ZCCHC7: variants seen among roughly 807,000 people sequenced by gnomAD.
ZCCHC7 encodes zinc finger CCHC-type containing 7.
Under a neutral mutation model 52.0 loss-of-function variants are expected in ZCCHC7, and 35 were observed. That is an observed-to-expected ratio of 0.67 (90% CI 0.51 to 0.89). ZCCHC7 has a LOEUF of 0.89. ZCCHC7 is among the 40% of genes least tolerant of loss of function. ZCCHC7 has a pLI of 0.00. For synonymous variants in ZCCHC7, 217 were observed against 221.5 expected (o/e 0.98, Z 0.18); for missense variants, 574 against 649.1 (o/e 0.88, Z 1.26).
chr9:37,300,263 C>G (rs184224072), intron 2 of ZCCHC7, among the ~76,000 whole-genome samples: 1 of 152,118 alleles, frequency 6.6e-6, no homozygotes, highest in African/African-American at 2.4e-5. Context: ...TTTTTAAGAA[C>G]AATTTTAAGT....
chr9:37,128,345 G>C (rs981773935), intron 2 of ZCCHC7, among the ~76,000 whole-genome samples: 1 of 152,142 alleles, frequency 6.6e-6, no homozygotes, highest in African/African-American at 2.4e-5. Flanking sequence ...ATTTTCTTAG[G>C]AAAATGAAAG....
At chr9:37,237,390 A>G (rs919386273) in intron 2 of ZCCHC7, among the ~76,000 whole-genome samples, 2 of 152,198 alleles carry the variant, frequency 1.3e-5, no homozygotes, top group Non-Finnish European at 2.9e-5. Context: ...TCATGAATAG[A>G]TAGTGATCCT....
chr9:37,140,405 A>T (rs144086427), intron 2 of ZCCHC7, among the ~76,000 whole-genome samples: 3 of 152,144 alleles, frequency 2.0e-5, no homozygotes, highest in Non-Finnish European at 4.4e-5. Context: ...TATAACTTAA[A>T]TATTGCTGTA....
intron 2 of ZCCHC7, among the ~76,000 whole-genome samples, chr9:37,261,958 T>C (rs1361189268): frequency 6.6e-6 from 1 of 152,184 alleles, no homozygotes; most frequent in Non-Finnish European, 1.5e-5. Context: ...TAAATTGTTT[T>C]ATCCGCACAC....
chr9:37,278,329 G>GAGAACTAAATGGAAATTTT (rs1338961045), intron 2 of ZCCHC7, among the ~76,000 whole-genome samples: 3 of 152,078 alleles, frequency 2.0e-5, no homozygotes, highest in Non-Finnish European at 2.9e-5. Context: ...AACTATAAAA[G>GAGAACTAAATGGAAATTTT]AGAACTAAAT....
chr9:37,149,473 A>G (rs770005373), intron 2 of ZCCHC7, among the ~76,000 whole-genome samples: 7 of 152,166 alleles, frequency 4.6e-5, no homozygotes, highest in Admixed American at 2.6e-4. Context: ...GATCAAAGTA[A>G]GAATTAGATC....
At chr9:37,241,384 A>G (rs185286103) in intron 2 of ZCCHC7, among the ~76,000 whole-genome samples, 96 of 151,980 alleles carry the variant, frequency 6.3e-4, no homozygotes, top group African/African-American at 1.8e-3. Flanking sequence ...GGAATTTTAT[A>G]CATTTTATAA....
intron 2 of ZCCHC7, among the ~76,000 whole-genome samples, chr9:37,258,914 TAAAG>T (rs1826731386): frequency 6.6e-6 from 1 of 151,908 alleles, no homozygotes. Context: ...GCACAGAAGT[TAAAG>T]AAAAGTGGCC....
intron 2 of ZCCHC7, among the ~76,000 whole-genome samples, chr9:37,213,136 A>G (rs772455718): frequency 3.9e-5 from 6 of 152,224 alleles, no homozygotes; most frequent in Non-Finnish European, 7.4e-5. Context: ...AAATTGGTTT[A>G]GTAATGTTTA....
At chr9:37,345,992 T>G (rs1017172267) in intron 6 of ZCCHC7, among the ~76,000 whole-genome samples, 1 of 151,976 alleles carries the variant, frequency 6.6e-6, no homozygotes, top group African/African-American at 2.4e-5. Flanking sequence ...TTGGTTTGGT[T>G]TGGGTTTGCG....
At chr9:37,279,703 A>AATAT (rs150994323) in intron 2 of ZCCHC7, among the ~76,000 whole-genome samples, 81 of 149,084 alleles carry the variant, frequency 5.4e-4, no homozygotes, top group African/African-American at 1.4e-3. Flanking sequence ...TATAAATTAA[A>AATAT]ATATATATAT....
chr9:37,326,856 G>A (rs1024765330), intron 5 of ZCCHC7: 4 of 152,030 alleles, frequency 2.6e-5, no homozygotes, highest in Admixed American at 6.6e-5. Flanking sequence ...ATAAACAAAA[G>A]CTATAAATTT....
chr9:37,185,995 A>G (rs1353493850), intron 2 of ZCCHC7, among the ~76,000 whole-genome samples: 1 of 151,998 alleles, frequency 6.6e-6, no homozygotes, highest in Admixed American at 6.6e-5. Flanking sequence ...TATACAGTAC[A>G]TATGTTATAC....
intron 6 of ZCCHC7, among the ~76,000 whole-genome samples, chr9:37,346,926 G>T (rs1473821224): frequency 6.6e-6 from 1 of 152,116 alleles, no homozygotes; most frequent in East Asian, 1.9e-4. Context: ...AGCCTGGGAG[G>T]TCGAGGCTGC....
chr9:37,191,283 G>C (rs1165691467), intron 2 of ZCCHC7, among the ~76,000 whole-genome samples: 1 of 152,082 alleles, frequency 6.6e-6, no homozygotes, highest in Non-Finnish European at 1.5e-5. Context: ...CATTTTCTAG[G>C]AAGTTTCTTT....
intron 2 of ZCCHC7, among the ~76,000 whole-genome samples, chr9:37,183,285 G>A (rs754492668): frequency 3.9e-5 from 6 of 152,138 alleles, no homozygotes; most frequent in South Asian, 2.1e-4. Flanking sequence ...GTGACTCAGA[G>A]GAGAGAGAAT....
chr9:37,223,011 G>A (rs1370390609), intron 2 of ZCCHC7, among the ~76,000 whole-genome samples: 1 of 152,112 alleles, frequency 6.6e-6, no homozygotes, highest in African/African-American at 2.4e-5. Context: ...ATATATATAT[G>A]TGTGTATGTA....
At chr9:37,218,091 TTAGGGC>T (rs1824605910) in intron 2 of ZCCHC7, among the ~76,000 whole-genome samples, 1 of 152,166 alleles carries the variant, frequency 6.6e-6, no homozygotes, top group Non-Finnish European at 1.5e-5. Flanking sequence ...AGAGACAAAT[TTAGGGC>T]CATTAAATTC....
chr9:37,208,071 G>A lies in ZCCHC7; in HGVS notation c.610+81129G>A, dbSNP rs1824017010. On this transcript the variant is annotated intron_variant, in intron 2 of 8. Coordinates refer to ENST00000336755, the MANE Select transcript of ZCCHC7 (RefSeq NM_032226.3). ...ATTTGGTGCTCCTGGTTTCTCCAGT[G>A]TATTTTTTGTTACGGCTTCTGCTTT... Among the ~76,000 whole-genome samples the A allele has an allele frequency of 3.9e-5, 6 of 152,120 alleles. No individual in the cohort carries two copies. In the South Asian group the frequency reaches 1.2e-3, roughly 32 times the overall value.
Sources: allele counts gnomAD v4.1 joint callset (sites outside exome capture counted in the v4.1 genomes callset), GRCh38; gene constraint gnomAD v4.1.1; transcripts MANE v1.5; gene names NCBI Gene and HGNC (gene_info 2026-07-23, HGNC 2026-07-21).